Variants in INTS9 observed in about 807,000 individuals in gnomAD.
The protein encoded by INTS9 is integrator complex subunit 9.
Under a neutral mutation model 79.7 loss-of-function variants are expected in INTS9, and 55 were observed. The ratio of observed to expected loss-of-function variants is 0.69; its 90% confidence interval spans 0.56 to 0.86. INTS9 has a LOEUF of 0.86. Among genes scored for constraint, INTS9 ranks in the 40% least tolerant of loss-of-function variants. The pLI, the probability that INTS9 is intolerant of heterozygous loss-of-function variation, is 0.00. For synonymous variants in INTS9, 319 were observed against 325.2 expected, an observed-to-expected ratio of 0.98 and a Z score of 0.20; for missense variants, 721 against 831.5, an observed-to-expected ratio of 0.87 and a Z score of 1.64.
intron 8 of INTS9, among the ~76,000 whole-genome samples, chr8:28,801,510 A>G (rs895403516): frequency 2.6e-5 from 4 of 151,986 alleles, no homozygotes; most frequent in Non-Finnish European, 2.9e-5. Flanking sequence ...AACAAACAAA[A>G]AAACAAAAAA....
chr8:28,876,513 C>T (rs912144783), intron 1 of INTS9, among the ~76,000 whole-genome samples: 1 of 152,078 alleles, frequency 6.6e-6, no homozygotes, highest in African/African-American at 2.4e-5. Flanking sequence ...AGCTACAGCA[C>T]GTAAATTAAA....
chr8:28,816,259 C>T (rs958097772), intron 6 of INTS9, among the ~76,000 whole-genome samples: 6 of 150,390 alleles, frequency 4.0e-5, no homozygotes, highest in African/African-American at 4.9e-5. Flanking sequence ...CCCATTAACT[C>T]GTCATTTAGC....
At chr8:28,804,535 T>C (rs1804698093) in intron 8 of INTS9, among the ~76,000 whole-genome samples, 1 of 151,036 alleles carries the variant, frequency 6.6e-6, no homozygotes, top group Non-Finnish European at 1.5e-5. Context: ...AAGCCACTCC[T>C]TGCTTGTTCC....
At chr8:28,852,995 A>G (rs77647829) in intron 2 of INTS9, among the ~76,000 whole-genome samples, 2,451 of 152,374 alleles carry the variant, frequency 0.016, 71 homozygotes, top group African/African-American at 0.056. Context: ...ATGAGTTATC[A>G]AATAAACCAT....
chr8:28,788,339 G>A (rs143660138), intron 10 of INTS9, among the ~76,000 whole-genome samples: 30 of 152,232 alleles, frequency 2.0e-4, no homozygotes, highest in East Asian at 1.7e-3. Flanking sequence ...GATCCAATCC[G>A]TGGTATCATA....
At chr8:28,854,173 T>C (rs2131272002) in intron 2 of INTS9, among the ~76,000 whole-genome samples, 1 of 152,320 alleles carries the variant, frequency 6.6e-6, no homozygotes, top group Non-Finnish European at 1.5e-5. Flanking sequence ...CATACCACCA[T>C]ATCCAGGTAT....
intron 15 of INTS9, 68 bp from the exon 16 acceptor site, chr8:28,770,094 C>G: frequency 3.8e-6 from 6 of 1,560,454 alleles, no homozygotes; most frequent in Non-Finnish European, 5.2e-6. Context: ...GCAGGCCACA[C>G]TGAGAGCCTG....
intron 13 of INTS9, among the ~76,000 whole-genome samples, chr8:28,777,386 G>A (rs974306751): frequency 6.6e-6 from 1 of 152,078 alleles, no homozygotes; most frequent in South Asian, 2.1e-4. Flanking sequence ...CTTTCTCCAG[G>A]GCAGAAAATG....
chr8:28,821,792 C>T (rs766497906), intron 6 of INTS9, among the ~76,000 whole-genome samples: 3 of 148,070 alleles, frequency 2.0e-5, no homozygotes, highest in Non-Finnish European at 3.0e-5. Flanking sequence ...TGTTTTTAGA[C>T]AAGGTCTTGC....
chr8:28,885,803 C>A (rs1386157535), intron 1 of INTS9, among the ~76,000 whole-genome samples: 1 of 152,182 alleles, frequency 6.6e-6, no homozygotes, highest in Non-Finnish European at 1.5e-5. Flanking sequence ...CTCAGTTAGG[C>A]TCAATCTATA....
intron 6 of INTS9, among the ~76,000 whole-genome samples, chr8:28,834,480 T>A (rs1476152790): frequency 6.6e-6 from 1 of 152,172 alleles, no homozygotes; most frequent in East Asian, 1.9e-4. Flanking sequence ...ACACTGAACA[T>A]CTCACTGTTC....
intron 1 of INTS9, among the ~76,000 whole-genome samples, chr8:28,863,695 T>C (rs577761782): frequency 6.6e-6 from 1 of 152,262 alleles, no homozygotes; most frequent in East Asian, 1.9e-4. Flanking sequence ...GGCAGGAGAA[T>C]CATTTGAGCC....
intron 6 of INTS9, among the ~76,000 whole-genome samples, chr8:28,815,567 A>G (rs1456654262): frequency 6.6e-6 from 1 of 152,182 alleles, no homozygotes; most frequent in African/African-American, 2.4e-5. Flanking sequence ...GGGATGCTCA[A>G]TCAGCAATAT....
Position 28,886,216 on chromosome 8 carries a change from A to T in INTS9, c.9+3658T>A, listed in dbSNP as rs185513879. On this transcript the variant is annotated intron_variant, in intron 1 of 16. Transcript: ENST00000521022. ...AAGAAAGTCCTCAAACTTAAAAAAAATTTTTTTTTAACCAATAACCTTAAA... is the reference window on the plus strand; with the variant it reads ...AAGAAAGTCCTCAAACTTAAAAAAATTTTTTTTTTAACCAATAACCTTAAA... Among the ~76,000 whole-genome samples the T allele has an allele frequency of 3.0e-3, 456 of 151,900 alleles. 8 individuals are homozygous for T. The East Asian group carries it at 0.051, about 17-fold the overall frequency.
intron 1 of INTS9, among the ~76,000 whole-genome samples, chr8:28,881,147 G>T (rs2131376690): frequency 6.9e-6 from 1 of 145,506 alleles, no homozygotes; most frequent in East Asian, 2.2e-4. Flanking sequence ...CCCCCGCCCG[G>T]CTGGCCGCCC....
intron 9 of INTS9, among the ~76,000 whole-genome samples, chr8:28,795,930 G>T (rs1804192626): frequency 6.6e-6 from 1 of 152,136 alleles, no homozygotes; most frequent in South Asian, 2.1e-4. Flanking sequence ...ATTTCTTCCA[G>T]GTAGAAAATG....
intron 2 of INTS9, among the ~76,000 whole-genome samples, chr8:28,852,395 A>G (rs1166216488): frequency 2.0e-5 from 3 of 151,408 alleles, no homozygotes; most frequent in Non-Finnish European, 4.4e-5. Context: ...TGCTATTACC[A>G]TTAGTTGTTT....
chr8:28,775,292 G>A (rs1241335654), intron 14 of INTS9, among the ~76,000 whole-genome samples: 2 of 152,140 alleles, frequency 1.3e-5, no homozygotes, highest in African/African-American at 4.8e-5. Flanking sequence ...AAAACAAGAA[G>A]GCCCTGAAAA....
chr8:28,768,159 A>C lies in INTS9; in HGVS notation c.1964T>G (p.Leu655Ter). The change falls in exon 17 of 17, where the codon TTA becomes TGA. Residue 655 changes from leucine to a stop codon, truncating the protein, a stop_gained. Coordinates refer to ENST00000521022, the MANE Select transcript of INTS9 (RefSeq NM_018250.4). LOFTEE classifies it high-confidence loss of function. The part of the protein sequence containing the change: ...VRLRDLVLKF[L>*]QKF Reference sequence around the variant, plus strand: ...CAGATGGCCCACTCAGAACTTCTGTAAGAATTTGAGGACAAGGTCCCGCAG... The same window carrying C: ...CAGATGGCCCACTCAGAACTTCTGTCAGAATTTGAGGACAAGGTCCCGCAG... 1.2e-6 allele frequency: 2 copies of C among 1,614,142 alleles called. No homozygotes were observed. Among genetic ancestry groups the C allele is most frequent in the South Asian group, 2.2e-5 (2 of 91,082 alleles).
Sources: gnomAD v4.1 joint callset for allele counts (sites outside exome capture counted in the v4.1 genomes callset) on GRCh38, gnomAD v4.1.1 for gene constraint, MANE v1.5 for transcripts, NCBI Gene and HGNC (gene_info 2026-07-23, HGNC 2026-07-21) for gene names.